The following SYT7 variants were observed in gnomAD, a reference collection of about 807,000 sequenced individuals.
SYT7 encodes synaptotagmin 7.
A neutral mutation model predicts 75.1 loss-of-function variants in SYT7; 29 were observed. That is an observed-to-expected ratio of 0.39 (90% CI 0.29 to 0.53). The LOEUF is 0.53. SYT7 is among the 20% of genes least tolerant of loss of function. The pLI is 0.77. For synonymous variants in SYT7, 376 were observed against 401.7 expected, an observed-to-expected ratio of 0.94 and a Z score of 0.76; for missense variants, 693 against 953.2, an observed-to-expected ratio of 0.73 and a Z score of 3.59.
intron 12 of SYT7, among the ~76,000 whole-genome samples, chr11:61,522,187 C>CT (rs60616538): frequency 0.054 from 6,139 of 114,190 alleles, 590 homozygotes; most frequent in African/African-American, 0.19. Flanking sequence ...GAAGAGATCA[C>CT]TTTTTTTTTT....
chr11:61,566,235 T>C (rs1035103627), intron 1 of SYT7, among the ~76,000 whole-genome samples: 1 of 152,236 alleles, frequency 6.6e-6, no homozygotes, highest in African/African-American at 2.4e-5. Context: ...CATTATTGAA[T>C]TTAATGGAGG....
chr11:61,575,583 G>A (rs1036058193), intron 1 of SYT7, among the ~76,000 whole-genome samples: 10 of 152,216 alleles, frequency 6.6e-5, no homozygotes, highest in African/African-American at 2.4e-4. Flanking sequence ...GCCAGGTAAG[G>A]CCCTGCTCCG....
At chr11:61,519,640 C>T (rs1371721647) in intron 12 of SYT7, among the ~76,000 whole-genome samples, 5 of 152,074 alleles carry the variant, frequency 3.3e-5, no homozygotes, top group African/African-American at 1.2e-4. Flanking sequence ...AAATAACGGC[C>T]GGAGTCTAGT....
Position 61,517,348 on chromosome 11 carries a change from T to TTTTCCCTGCCTCC in SYT7, c.*1266_*1278dup, listed in dbSNP as rs1160330817. The TTTTCCCTGCCTCC allele has an allele frequency of 5.0e-6, 2 of 398,532 alleles. No homozygotes were observed. The highest frequency in any genetic ancestry group is 4.1e-5 in the African/African-American group (2 of 48,624). The allele number at this position is 398,532 out of a possible 1,614,324, so 24.7% of individuals were successfully genotyped here. A position where few individuals can be genotyped will look rare whatever the true frequency, so the allele number is the denominator to read the frequency against. On this transcript the variant is annotated 3_prime_UTR_variant, in exon 13 of 13. Coordinates refer to ENST00000539008, the MANE Select transcript of SYT7 (RefSeq NM_001365809.2). ...CCTCAGAACTCACAGAATCCTGGTC[T>TTTTCCCTGCCTCC]TTTCCCTGCCTCCTTTCCCTGCACT...
rs1377144921 is a variant in SYT7, at chr11:61,546,273, G to A, written c.348-18C>T. The A allele has an allele frequency of 1.4e-6, 2 of 1,422,578 alleles. No homozygotes were observed. The highest frequency in any genetic ancestry group is 9.1e-7 in the Non-Finnish European group (1 of 1,096,886). 88.1% of individuals were successfully genotyped at this position (1,422,578 alleles called of 1,614,324 possible). A position where few individuals can be genotyped will look rare whatever the true frequency, so the allele number is the denominator to read the frequency against. On this transcript the variant is annotated intron_variant, in intron 4 of 12. Transcript: ENST00000539008. The surrounding 1 kb of genome is among the most constrained non-coding windows in gnomAD (Gnocchi z 7.6). ...GGGTGCCACTGGAGGCATGCACGAG[G>A]CAGCCAGGCCAGAGGGGCACCGGGG...
chr11:61,545,586 G>C (rs1353535061), intron 5 of SYT7, among the ~76,000 whole-genome samples: 1 of 152,258 alleles, frequency 6.6e-6, no homozygotes, highest in Non-Finnish European at 1.5e-5. Flanking sequence ...TCTGCTGGCT[G>C]TAAGAGGGAA....
rs916730830 is a variant in SYT7 at position 61,523,005 on chromosome 11, G to A, written c.1956+70C>T. The A allele has an allele frequency of 5.7e-5, 88 of 1,534,690 alleles. No homozygotes were observed. Among genetic ancestry groups the A allele is most frequent in the Middle Eastern group, 2.2e-4 (1 of 4,604 alleles). Reference sequence around the variant, plus strand: ...CAGCCTGTGCCCGTCCACTACCCCCGCTGCTTCTTTTAAGGAACGGAGCCT... The same window carrying A: ...CAGCCTGTGCCCGTCCACTACCCCCACTGCTTCTTTTAAGGAACGGAGCCT... On this transcript the variant is annotated intron_variant, in intron 12 of 12. Transcript: ENST00000539008. The surrounding 1 kb of genome is among the most constrained non-coding windows in gnomAD (Gnocchi z 5.0).
chr11:61,537,995 A>C, intron 7 of SYT7, 149 bp downstream of exon 7: 1 of 1,234,708 alleles, frequency 8.1e-7, no homozygotes, highest in South Asian at 1.5e-5. Context: ...GCGTGAGGGC[A>C]CCGGCTGGGG....
rs906207510 is a variant in SYT7, at chr11:61,514,500, G to A, written c.*4127C>T. 6.6e-6 allele frequency among the ~76,000 whole-genome samples: 1 copy of A among 152,218 alleles called. No homozygotes were observed. The highest frequency in any genetic ancestry group is 2.4e-5 in the African/African-American group (1 of 41,454). ...CCAGCAGGTGGACACATGACAATGGGGATGTGCTCGTTCCTTTTGTGCCTG... is the reference window on the plus strand; with the variant it reads ...CCAGCAGGTGGACACATGACAATGGAGATGTGCTCGTTCCTTTTGTGCCTG... On this transcript the variant is annotated 3_prime_UTR_variant, in exon 13 of 13. Transcript: ENST00000539008.
rs2062428152 is a variant in SYT7, at chr11:61,523,938, T to C, written c.1645A>G (p.Ser549Gly). Residue 549 changes from serine (S) to glycine (G), a missense_variant, in exon 11 of 13, where the codon AGC becomes GGC. This residue lies in a region of SYT7 where 206 missense variants were observed against 360.0 expected (regional missense o/e 0.57). Transcript: ENST00000539008. The surrounding 1 kb of genome is among the most constrained non-coding windows in gnomAD (Gnocchi z 5.0). Reference protein sequence around the residue: ...DLKPCSDGSGSRGELLLSLCY... With the variant: ...DLKPCSDGSGGRGELLLSLCY... ...AGAGACAAGAGCAGCTCCCCTCGGC[T>C]CCCCTGGGAGGCACGACAGGAGGGG... 1.2e-6 allele frequency: 2 copies of C among 1,613,588 alleles called. No individual in the cohort carries two copies.
At chr11:61,575,711 C>T (rs2064054520) in intron 1 of SYT7, among the ~76,000 whole-genome samples, 2 of 152,170 alleles carry the variant, frequency 1.3e-5, no homozygotes, top group South Asian at 2.1e-4. Flanking sequence ...GGGGCCCTCC[C>T]CTAAAGCTTT....
chr11:61,577,182 T>C (rs1276091704), intron 1 of SYT7, among the ~76,000 whole-genome samples: 1 of 152,202 alleles, frequency 6.6e-6, no homozygotes, highest in Admixed American at 6.5e-5. Context: ...ACACAACAGC[T>C]TGGGGGCACT....
intron 8 of SYT7, chr11:61,531,157 CTGT>C: frequency 1.0e-6 from 1 of 984,406 alleles, no homozygotes; most frequent in Non-Finnish European, 1.2e-6. Context: ...CTTATCATGG[CTGT>C]TAACATCAAC....
chr11:61,549,385 AGT>A (rs1439648445), intron 3 of SYT7, among the ~76,000 whole-genome samples: 3 of 152,206 alleles, frequency 2.0e-5, no homozygotes, highest in Non-Finnish European at 4.4e-5. Flanking sequence ...AGGGAGACAG[AGT>A]GTGCAGTGTT....
At chr11:61,545,426 C>T (rs1469021368) in intron 5 of SYT7, among the ~76,000 whole-genome samples, 2 of 152,224 alleles carry the variant, frequency 1.3e-5, no homozygotes, top group Admixed American at 1.3e-4. Context: ...ACGGGGATGG[C>T]TGAGATGAGG....
intron 7 of SYT7, among the ~76,000 whole-genome samples, chr11:61,535,275 G>A (rs1336257020): frequency 6.6e-6 from 1 of 152,194 alleles, no homozygotes; most frequent in Non-Finnish European, 1.5e-5. Flanking sequence ...AGGAGCGTGC[G>A]GCCAACAGGA....
chr11:61,550,740 A>G (rs974906036), intron 3 of SYT7, among the ~76,000 whole-genome samples: 2 of 152,262 alleles, frequency 1.3e-5, no homozygotes, highest in African/African-American at 4.8e-5. Flanking sequence ...CAGTGACCTC[A>G]GCAGAGGGCT....
chr11:61,513,753 G>T lies in SYT7; in HGVS notation c.*4874C>A, dbSNP rs1021697820. Among the ~76,000 whole-genome samples, 1 of 152,330 alleles carries T rather than the reference G, an allele frequency of 6.6e-6. No homozygotes were observed. Among genetic ancestry groups the T allele is most frequent in the East Asian group, 1.9e-4 (1 of 5,178 alleles). On this transcript the variant is annotated 3_prime_UTR_variant, in exon 13 of 13. Coordinates refer to ENST00000539008, the MANE Select transcript of SYT7 (RefSeq NM_001365809.2). ...TGAACGTTTATTAGCACACCTGGGC[G>T]TGCCACATGGAACATGTATGCAGAC...
upstream of SYT7, among the ~76,000 whole-genome samples, chr11:61,582,994 G>A (rs979914678): frequency 2.0e-5 from 3 of 152,212 alleles, no homozygotes; most frequent in East Asian, 1.9e-4. Context: ...TTGGGATGAC[G>A]GGGCGGGAAG....
Sources: gnomAD v4.1 joint callset for allele counts (sites outside exome capture counted in the v4.1 genomes callset) on GRCh38, gnomAD v4.1.1 for gene constraint, gnomAD v4.1.1 regional missense constraint, Gnocchi (gnomAD v3.1) non-coding constraint, MANE v1.5 for transcripts, NCBI Gene and HGNC (gene_info 2026-07-23, HGNC 2026-07-21) for gene names.